The following PRKN variants were observed in gnomAD, a reference collection of about 807,000 sequenced individuals.
PRKN encodes the protein parkin RBR E3 ubiquitin protein ligase.
A neutral mutation model predicts 59.5 loss-of-function variants in PRKN; 56 were observed. The observed-to-expected ratio is 0.94, with a 90% CI of 0.76 to 1.18. The LOEUF is 1.18. Among genes scored for constraint, PRKN ranks in the 50% most tolerant of loss-of-function variants. The probability of loss-of-function intolerance (pLI) is 0.00; values close to 1 mark genes in which losing one functional copy is unlikely to be tolerated. For synonymous variants in PRKN, 250 were observed against 222.1 expected, an observed-to-expected ratio of 1.13 and a Z score of -1.12; for missense variants, 657 against 596.4, an observed-to-expected ratio of 1.10 and a Z score of -1.06.
chr6:162,472,320 C>T (rs1366596734), intron 1 of PRKN, among the ~76,000 whole-genome samples: 3 of 151,116 alleles, frequency 2.0e-5, no homozygotes, highest in Admixed American at 6.6e-5. Context: ...TCATCATTTA[C>T]ATTAGGTATA....
chr6:162,589,468 G>A (rs1168892699), intron 1 of PRKN, among the ~76,000 whole-genome samples: 1 of 152,104 alleles, frequency 6.6e-6, no homozygotes, highest in Admixed American at 6.6e-5. Flanking sequence ...AAAGGATAGT[G>A]ACTGTATGTT....
chr6:162,419,440 G>A (rs1268379397), intron 2 of PRKN, among the ~76,000 whole-genome samples: 1 of 152,182 alleles, frequency 6.6e-6, no homozygotes, highest in Non-Finnish European at 1.5e-5. Context: ...AAAACACTAT[G>A]AGGTGTATAA....
At chr6:162,556,344 T>G (rs79243470) in intron 1 of PRKN, among the ~76,000 whole-genome samples, 4,220 of 86,750 alleles carry the variant, frequency 0.049, 171 homozygotes, top group Non-Finnish European at 0.064. Context: ...ACTCAGCTGG[T>G]GTGTGTGTGT....
chr6:162,691,105 TTCA>T (rs1434567974), intron 1 of PRKN, among the ~76,000 whole-genome samples: 2 of 152,132 alleles, frequency 1.3e-5, no homozygotes, highest in Non-Finnish European at 2.9e-5. Context: ...ATATTATTTA[TTCA>T]TCATATCTGA....
chr6:162,008,497 T>C (rs1242723662), intron 5 of PRKN, among the ~76,000 whole-genome samples: 1 of 152,140 alleles, frequency 6.6e-6, no homozygotes, highest in Non-Finnish European at 1.5e-5. Context: ...AAATGCATCA[T>C]GTTCAGTGTT....
chr6:162,335,497 A>G (rs1562680385), intron 2 of PRKN, among the ~76,000 whole-genome samples: 1 of 152,186 alleles, frequency 6.6e-6, no homozygotes, highest in East Asian at 1.9e-4. Flanking sequence ...TCTAACCTGT[A>G]GTATCTCTGA....
intron 1 of PRKN, among the ~76,000 whole-genome samples, chr6:162,600,375 T>C (rs1781656637): frequency 6.6e-6 from 1 of 152,194 alleles, no homozygotes; most frequent in Non-Finnish European, 1.5e-5. Flanking sequence ...CTTTCTTTTG[T>C]TAATGGACAT....
At chr6:162,552,692 G>A (rs1380749373) in intron 1 of PRKN, among the ~76,000 whole-genome samples, 1 of 152,080 alleles carries the variant, frequency 6.6e-6, no homozygotes, top group Non-Finnish European at 1.5e-5. Context: ...GTGCTGAGAG[G>A]AGAGCTGAGC....
At position 161,961,653 on chromosome 6, in the gene PRKN, C is replaced by T. The variant is rs114728126; in HGVS notation, c.734+11649G>A. Among the ~76,000 whole-genome samples, 240 of 152,262 alleles carry T rather than the reference C, an allele frequency of 1.6e-3. 1 individual carries two copies. The highest frequency in any genetic ancestry group is 5.4e-3 in the African/African-American group (225 of 41,554). ...ACCTGCTAGAGAGTGTCCCCGTCGA[C>T]GGCTTTCCCTGCCATCGACAGAAAT... On this transcript the variant is annotated intron_variant, in intron 6 of 11. Transcript: ENST00000366898.
At chr6:162,220,682 G>A (rs1777886516) in intron 3 of PRKN, among the ~76,000 whole-genome samples, 1 of 152,198 alleles carries the variant, frequency 6.6e-6, no homozygotes, top group Admixed American at 6.5e-5. Context: ...CAAGTTCAAG[G>A]CAGAGGTCAG....
chr6:161,497,577 T>TCTCTCTCTCACACA lies in PRKN; in HGVS notation c.1083+51276_1083+51277insTGTGTGAGAGAGAG, dbSNP rs369404858. Among the ~76,000 whole-genome samples, 1 of 147,388 alleles carries TCTCTCTCTCACACA rather than the reference T, an allele frequency of 6.8e-6. No individual in the cohort carries two copies. The highest frequency in any genetic ancestry group is 2.5e-5 in the African/African-American group (1 of 39,682). On this transcript the variant is annotated intron_variant, in intron 9 of 11. Coordinates refer to ENST00000366898, the MANE Select transcript of PRKN (RefSeq NM_004562.3). The surrounding 1 kb of genome is among the most constrained non-coding windows in gnomAD (Gnocchi z 4.6). ...ATGTCTCTCTCTCTCTCTCTCTCTC[T>TCTCTCTCTCACACA]CACACACACACACACACACACCATA...
At chr6:161,596,081 A>C (rs1781901965) in intron 7 of PRKN, among the ~76,000 whole-genome samples, 1 of 152,200 alleles carries the variant, frequency 6.6e-6, no homozygotes, top group East Asian at 1.9e-4. Flanking sequence ...GACTGCAAGG[A>C]GACTGACAGC....
At chr6:162,466,584 T>C (rs1562785535) in intron 1 of PRKN, among the ~76,000 whole-genome samples, 5 of 152,102 alleles carry the variant, frequency 3.3e-5, no homozygotes, top group Admixed American at 1.3e-4. Context: ...TTCTTGTTTT[T>C]TTTTTAGAGA....
chr6:161,406,582 A>T (rs927068671), intron 9 of PRKN, among the ~76,000 whole-genome samples: 1 of 151,956 alleles, frequency 6.6e-6, no homozygotes, highest in African/African-American at 2.4e-5. Context: ...TATATAGCAC[A>T]ACAAAGTGGC....
At chr6:162,252,653 G>A (rs1779483242) in intron 3 of PRKN, among the ~76,000 whole-genome samples, 1 of 152,314 alleles carries the variant, frequency 6.6e-6, no homozygotes, top group Admixed American at 6.5e-5. Context: ...CGGCTGGAAG[G>A]CACCATCTAT....
intron 4 of PRKN, among the ~76,000 whole-genome samples, chr6:162,114,846 C>T (rs1780597550): frequency 1.3e-5 from 2 of 152,070 alleles, no homozygotes; most frequent in African/African-American, 4.8e-5. Flanking sequence ...CAAGAAACAA[C>T]AGGTGCTGGA....
intron 1 of PRKN, among the ~76,000 whole-genome samples, chr6:162,520,887 A>C (rs1778056744): frequency 6.6e-6 from 1 of 152,208 alleles, no homozygotes; most frequent in East Asian, 1.9e-4. Context: ...AAATAGTATG[A>C]GCATTTTACA....
chr6:162,509,327 T>C (rs1050877755), intron 1 of PRKN, among the ~76,000 whole-genome samples: 3 of 152,218 alleles, frequency 2.0e-5, no homozygotes, highest in Non-Finnish European at 4.4e-5. Context: ...ATTCTATACA[T>C]ACTGATTAAG....
At chr6:161,408,184 G>C (rs1787363610) in intron 9 of PRKN, among the ~76,000 whole-genome samples, 2 of 152,032 alleles carry the variant, frequency 1.3e-5, no homozygotes, top group Admixed American at 6.6e-5. Context: ...TTCGGCCGTG[G>C]GAAAATTATC....
Sources: gnomAD v4.1 joint callset for allele counts (sites outside exome capture counted in the v4.1 genomes callset) on GRCh38, gnomAD v4.1.1 for gene constraint, Gnocchi (gnomAD v3.1) non-coding constraint, MANE v1.5 for transcripts, NCBI Gene and HGNC (gene_info 2026-07-23, HGNC 2026-07-21) for gene names.